The following TARBP2 variants were observed in gnomAD, a reference collection of about 807,000 sequenced individuals.
TARBP2 encodes the protein RISC-loading complex subunit TARBP2.
A neutral mutation model predicts 40.4 loss-of-function variants in TARBP2; 23 were observed. The ratio of observed to expected loss-of-function variants is 0.57; its 90% CI spans 0.41 to 0.81. TARBP2 has a LOEUF of 0.81. Among genes scored for constraint, TARBP2 ranks in the 30% least tolerant of loss-of-function variants. The pLI, the probability that TARBP2 is intolerant of heterozygous loss-of-function variation, is 0.00. For missense variants in TARBP2, 358 were observed against 473.7 expected, an observed-to-expected ratio of 0.76 and a Z score of 2.27; for synonymous variants, 183 against 190.5, an observed-to-expected ratio of 0.96 and a Z score of 0.32.
chr12:53,501,692 C>G, intron 1 of TARBP2: 1 of 1,435,166 alleles, frequency 7.0e-7, no homozygotes, highest in Non-Finnish European at 9.1e-7. Flanking sequence ...TTTATGCCCC[C>G]ACATTCAGTG....
upstream of TARBP2, chr12:53,501,006 G>A (rs1287407387): frequency 4.4e-6 from 1 of 229,308 alleles, no homozygotes; most frequent in East Asian, 1.2e-4. Flanking sequence ...GCCCAAGTGA[G>A]TCCTTACCGC....
intron 3 of TARBP2, 54 bp from the exon 4 acceptor site, chr12:53,503,659 C>T (rs946061230): frequency 4.4e-6 from 6 of 1,365,126 alleles, no homozygotes; most frequent in African/African-American, 2.9e-5. Flanking sequence ...TCCCCCACCC[C>T]TCTCTTCCCC....
intron 4 of TARBP2, 108 bp downstream of exon 4, chr12:53,503,916 A>C (rs1406874022): frequency 1.2e-6 from 1 of 819,942 alleles, no homozygotes; most frequent in African/African-American, 1.7e-5. Flanking sequence ...TCTGAGAATA[A>C]ACAGAATGGA....
chr12:53,504,168 C>T (rs1943852221), intron 4 of TARBP2: 1 of 564,180 alleles, frequency 1.8e-6, no homozygotes, highest in Admixed American at 3.5e-5. Flanking sequence ...CCCAAGTGTT[C>T]CAGAATGGAA....
chr12:53,501,093 G>A (rs1473026930), upstream of TARBP2: 6 of 414,236 alleles, frequency 1.4e-5, no homozygotes, highest in East Asian at 4.8e-5. Flanking sequence ...GGGCGCGGAA[G>A]GAAGGAGGCG....
intron 1 of TARBP2, 116 bp from the exon 2 acceptor site, chr12:53,501,899 C>G: frequency 1.4e-6 from 2 of 1,471,202 alleles, no homozygotes; most frequent in Non-Finnish European, 1.8e-6. Flanking sequence ...GCTAGACTGT[C>G]TGGGGTTCCT....
In TARBP2 at chr12:53,503,807, A is replaced by G; in HGVS notation, c.421A>G (p.Arg141Gly). 1 of 1,613,824 alleles carries G rather than the reference A, an allele frequency of 6.2e-7. No homozygotes were observed. Among genetic ancestry groups the G allele is most frequent in the Non-Finnish European group, 8.5e-7 (1 of 1,179,688 alleles). ...ATPVPSVVLT[R>G]SPPMELQPPV... is the part of the protein sequence containing the mutation. ...CCCAGTTCCATCTGTAGTCCTAACC[A>G]GGTATCTGTGTCCCCTGACTGCCTG... is the stretch of plus-strand genomic sequence containing the variant. Residue 141 changes from arginine to glycine, a missense_variant and splice_region_variant, in exon 4 of 9, where the codon AGG (arginine) becomes GGG (glycine). Physicochemically the swap from Arg to Gly is moderately radical, Grantham distance 125. Transcript: ENST00000266987.
In TARBP2 at chr12:53,501,546, G is replaced by A; in HGVS notation, c.53+85G>A. ...AGCGGCGCGGCCCCAGCATGCACCTGGCCTGAGGGTTGTTCCCGGCAAGCA... is the reference window on the plus strand; with the variant it reads ...AGCGGCGCGGCCCCAGCATGCACCTAGCCTGAGGGTTGTTCCCGGCAAGCA... On this transcript the variant is annotated intron_variant, in intron 1 of 8. Coordinates refer to ENST00000266987, the MANE Select transcript of TARBP2 (RefSeq NM_134323.2). 2.6e-6 allele frequency: 4 copies of A among 1,535,302 alleles called. No individual in the cohort carries two copies. The Admixed American group carries it at 6.2e-5, about 24-fold the overall frequency.
intron 1 of TARBP2, chr12:53,501,774 C>A: frequency 7.2e-7 from 1 of 1,388,336 alleles, no homozygotes; most frequent in Non-Finnish European, 9.4e-7. Flanking sequence ...CATTGGGGCA[C>A]AGGATCGTGC....
Position 53,502,852 on chromosome 12 carries a change from G to C in TARBP2, c.224-175G>C, listed in dbSNP as rs889793715. 7 of 591,892 alleles carry C rather than the reference G, an allele frequency of 1.2e-5. No homozygotes were observed. The African/African-American group carries it at 1.4e-4, about 11-fold the overall frequency. The allele number at this position is 591,892 out of a possible 1,614,324, so 36.7% of individuals were successfully genotyped here. ...GCTTAATTCTGGAAGCTAACGGAAA[G>C]ATAAGGGCTCTTCCTTCCAGCAATT... On this transcript the variant is annotated intron_variant, in intron 2 of 8. Coordinates refer to ENST00000266987, the MANE Select transcript of TARBP2 (RefSeq NM_134323.2).
intron 4 of TARBP2, 126 bp downstream of exon 4, chr12:53,503,934 G>C: frequency 1.4e-6 from 1 of 735,476 alleles, no homozygotes; most frequent in Non-Finnish European, 2.4e-6. Flanking sequence ...GGAATAGTTG[G>C]GAACCAGAAC....
At position 53,503,565 on chromosome 12, in the gene TARBP2, A is replaced by G; in HGVS notation, c.327-148A>G. 3 of 638,942 alleles carry G rather than the reference A, an allele frequency of 4.7e-6. No individual in the cohort carries two copies. In the East Asian group the frequency reaches 7.9e-5, roughly 17 times the overall value. 39.6% of individuals were successfully genotyped at this position (638,942 alleles called of 1,614,324 possible). ...GTGTTTGGCAGCAAAGGATCCGAGG[A>G]GGAAGCTGTTGGTTGAGCCTCCCTG... On this transcript the variant is annotated intron_variant, in intron 3 of 8. Transcript: ENST00000266987.
chr12:53,501,391 G>T lies in TARBP2; in HGVS notation c.-18G>T. 6.4e-7 allele frequency: 1 copy of T among 1,558,434 alleles called. No homozygotes were observed. The highest frequency in any genetic ancestry group is 8.7e-7 in the Non-Finnish European group (1 of 1,151,072). ...GGAGGCTGCAGTCACGGTGGCGCCC[G>T]CGGGGACGGAGGAGGGAATGAGTGA... On this transcript the variant is annotated 5_prime_UTR_variant, in exon 1 of 9. Transcript: ENST00000266987.
chr12:53,501,272 C>T (rs1036730656), upstream of TARBP2: 6 of 880,176 alleles, frequency 6.8e-6, no homozygotes, highest in African/African-American at 8.4e-5. Flanking sequence ...GGGCGGGGGA[C>T]TCCATATCCC....
intron 5 of TARBP2, 52 bp downstream of exon 5, chr12:53,504,521 G>A (rs780285942): frequency 1.2e-6 from 2 of 1,605,074 alleles, no homozygotes; most frequent in Non-Finnish European, 1.7e-6. Flanking sequence ...TGAGCCAGGG[G>A]CCATGAGGGA....
chr12:53,503,342 G>C (rs1943806627), intron 3 of TARBP2: 7 of 1,158,276 alleles, frequency 6.0e-6, no homozygotes, highest in Non-Finnish European at 7.0e-6. Context: ...TAGAGGGGTT[G>C]TGGCAGTAGG....
At chr12:53,501,822 C>CA in intron 1 of TARBP2, 193 bp from the exon 2 acceptor site, 1 of 1,318,694 alleles carries the variant, frequency 7.6e-7, no homozygotes, top group Non-Finnish European at 1.0e-6. Flanking sequence ...ATTCTTCCCC[C>CA]CTTGCTTTGG....
In TARBP2 at chr12:53,501,570, C is replaced by T. The variant is rs1943708895; in HGVS notation, c.53+109C>T. 2.0e-6 allele frequency: 3 copies of T among 1,514,020 alleles called. No individual in the cohort carries two copies. The East Asian group carries it at 7.4e-5, about 38-fold the overall frequency. 93.8% of individuals were successfully genotyped at this position (1,514,020 alleles called of 1,614,324 possible). On this transcript the variant is annotated intron_variant, in intron 1 of 8. Coordinates refer to ENST00000266987, the MANE Select transcript of TARBP2 (RefSeq NM_134323.2). ...TGGCCTGAGGGTTGTTCCCGGCAAG[C>T]ACTGGGGCAGTGGGCAGTGGTTCCC...
At chr12:53,501,234 C>G (rs1435973944), upstream of TARBP2, 1 of 681,282 alleles carries the variant, frequency 1.5e-6, no homozygotes, top group Non-Finnish European at 2.5e-6. Flanking sequence ...GATAGCTCCC[C>G]TCCAGATGGA....
Sources: allele counts gnomAD v4.1 joint callset, GRCh38; gene constraint gnomAD v4.1.1; transcripts MANE v1.5; gene names NCBI Gene and HGNC (gene_info 2026-07-23, HGNC 2026-07-21).